Variants in KALRN observed in about 807,000 individuals in gnomAD.
KALRN encodes kalirin.
KALRN carries 70 observed loss-of-function variants against 353.7 expected under a neutral mutation model. That is an observed-to-expected ratio of 0.20 (90% CI 0.16 to 0.24). KALRN has a LOEUF of 0.24. KALRN is among the 10% of genes least tolerant of loss of function. The pLI, the probability that KALRN is intolerant of heterozygous loss-of-function variation, is 1.00. For missense variants in KALRN, 2,791 were observed against 3,756.7 expected, an observed-to-expected ratio of 0.74 and a Z score of 6.72; for synonymous variants, 1,391 against 1,434.8, an observed-to-expected ratio of 0.97 and a Z score of 0.69.
At chr3:124,423,046 C>T in intron 15 of KALRN, 68 bp downstream of exon 15, 1 of 1,527,946 alleles carries the variant, frequency 6.5e-7, no homozygotes, top group South Asian at 1.2e-5. Flanking sequence ...GGACCTGCTC[C>T]TGGTATGAGG....
At chr3:124,664,362 TGTGTGTGTGC>T (rs1354143284) in intron 45 of KALRN, among the ~76,000 whole-genome samples, 20 of 120,042 alleles carry the variant, frequency 1.7e-4, no homozygotes, top group South Asian at 4.9e-4. Flanking sequence ...TGTGTGTGTG[TGTGTGTGTGC>T]GCGCGCGCGC....
chr3:124,584,324 G>A (rs1415586758), intron 34 of KALRN, among the ~76,000 whole-genome samples: 2 of 152,158 alleles, frequency 1.3e-5, no homozygotes, highest in Non-Finnish European at 2.9e-5. Context: ...AACGGGTGAG[G>A]CTGCGAGGAA....
At chr3:124,572,939 A>G (rs2073708849) in intron 34 of KALRN, among the ~76,000 whole-genome samples, 1 of 151,982 alleles carries the variant, frequency 6.6e-6, no homozygotes, top group Non-Finnish European at 1.5e-5. Context: ...TGGAGGGTTG[A>G]GGTAAGAGGA....
intron 57 of KALRN, among the ~76,000 whole-genome samples, chr3:124,710,228 A>G (rs2062824748): frequency 6.6e-6 from 1 of 152,244 alleles, no homozygotes; most frequent in Non-Finnish European, 1.5e-5. Context: ...CTAGAGGCTC[A>G]ACTGTGAATA....
chr3:124,095,140 A>G (rs2061358786), intron 1 of KALRN, among the ~76,000 whole-genome samples: 1 of 152,216 alleles, frequency 6.6e-6, no homozygotes, highest in Non-Finnish European at 1.5e-5. Flanking sequence ...GAGCATCTGT[A>G]TAACAGGATC....
chr3:124,459,377 T>A (rs563393793), intron 23 of KALRN, among the ~76,000 whole-genome samples: 1 of 152,214 alleles, frequency 6.6e-6, no homozygotes, highest in African/African-American at 2.4e-5. Flanking sequence ...TTTTCATAAA[T>A]TGAACTCTGT....
At chr3:124,101,801 A>C (rs998887556) in intron 1 of KALRN, among the ~76,000 whole-genome samples, 8 of 151,998 alleles carry the variant, frequency 5.3e-5, no homozygotes, top group African/African-American at 1.9e-4. Flanking sequence ...GCCCCTAACC[A>C]GGTCAGACTT....
At chr3:124,692,929 A>G (rs985469539) in intron 51 of KALRN, among the ~76,000 whole-genome samples, 4 of 152,138 alleles carry the variant, frequency 2.6e-5, no homozygotes, top group Non-Finnish European at 5.9e-5. Context: ...AGATGGGGGG[A>G]AAAGTGACCA....
At chr3:124,126,835 C>G (rs1366456378) in intron 1 of KALRN, among the ~76,000 whole-genome samples, 1 of 152,182 alleles carries the variant, frequency 6.6e-6, no homozygotes, top group Non-Finnish European at 1.5e-5. Context: ...AGCCCCTAGC[C>G]CACTTCTGTA....
At chr3:124,674,746 C>T in intron 49 of KALRN, 132 bp downstream of exon 49, 3 of 1,046,896 alleles carry the variant, frequency 2.9e-6, no homozygotes, top group Non-Finnish European at 4.0e-6. Context: ...TACCACAGAA[C>T]CAGTGTTTGA....
intron 1 of KALRN, among the ~76,000 whole-genome samples, chr3:124,056,938 G>T (rs1175986255): frequency 3.3e-5 from 5 of 152,182 alleles, no homozygotes; most frequent in African/African-American, 1.2e-4. Flanking sequence ...AGTCTATAAA[G>T]AGGATTTTTT....
At chr3:124,234,139 G>A (rs2148568880) in intron 2 of KALRN, among the ~76,000 whole-genome samples, 1 of 152,302 alleles carries the variant, frequency 6.6e-6, no homozygotes. Context: ...GAAAACACTT[G>A]TAATCTCAGT....
At chr3:124,223,624 C>G (rs140181009) in intron 1 of KALRN, among the ~76,000 whole-genome samples, 46 of 152,332 alleles carry the variant, frequency 3.0e-4, no homozygotes, top group Non-Finnish European at 4.4e-4. Context: ...AACGCCCACT[C>G]TGTTGTTTGT....
chr3:124,428,899 T>C (rs1024582898), intron 15 of KALRN, among the ~76,000 whole-genome samples: 5 of 152,114 alleles, frequency 3.3e-5, no homozygotes, highest in Non-Finnish European at 5.9e-5. Context: ...CCTACAGACA[T>C]TGATGTGTGA....
intron 18 of KALRN, among the ~76,000 whole-genome samples, 163 bp downstream of exon 18, chr3:124,439,200 TCACACACA>T (rs376221553): frequency 1.9e-4 from 19 of 98,878 alleles, no homozygotes; most frequent in Non-Finnish European, 2.8e-4. Flanking sequence ...TCTCTCTCTC[TCACACACA>T]CACACACACA....
At chr3:124,263,575 G>C (rs765205543) in intron 3 of KALRN, among the ~76,000 whole-genome samples, 28 of 151,306 alleles carry the variant, frequency 1.9e-4, no homozygotes, top group Non-Finnish European at 3.8e-4. Flanking sequence ...TGCACATAGC[G>C]AGACCCTGAC....
chr3:124,513,003 G>A (rs997359700), intron 33 of KALRN, among the ~76,000 whole-genome samples: 2 of 152,190 alleles, frequency 1.3e-5, no homozygotes, highest in African/African-American at 2.4e-5. Context: ...CAGGTGCCTA[G>A]CAGAGAACAG....
intron 6 of KALRN, among the ~76,000 whole-genome samples, chr3:124,319,228 G>A (rs1266687190): frequency 6.6e-6 from 1 of 151,844 alleles, no homozygotes; most frequent in South Asian, 2.1e-4. Flanking sequence ...TAGTTTGGGA[G>A]GCTGAGAAGA....
At chr3:124,298,986 A>C in intron 6 of KALRN, 73 bp downstream of exon 6, 1 of 1,585,464 alleles carries the variant, frequency 6.3e-7, no homozygotes. Flanking sequence ...GAGGGACAGA[A>C]ACAGACTTTC....
Sources: allele counts gnomAD v4.1 joint callset (sites outside exome capture counted in the v4.1 genomes callset), GRCh38; gene constraint gnomAD v4.1.1; transcripts MANE v1.5; gene names NCBI Gene and HGNC (gene_info 2026-07-23, HGNC 2026-07-21).